RNF216: variants seen among roughly 807,000 people sequenced by gnomAD.
The protein encoded by RNF216 is ring finger protein 216, also known as E3 ubiquitin-protein ligase RNF216.
In RNF216, 72 loss-of-function variants were observed where a neutral mutation model predicts 110.8. That is an observed-to-expected ratio of 0.65 (90% CI 0.54 to 0.79). RNF216 has a LOEUF of 0.79. Ranked by LOEUF, RNF216 falls within the 30% of genes least tolerant of loss-of-function variation. The probability of loss-of-function intolerance (pLI) is 0.00; values close to 1 mark genes in which losing one functional copy is unlikely to be tolerated. For synonymous variants in RNF216, 495 were observed against 407.5 expected (o/e 1.21, Z -2.59); for missense variants, 1,342 against 1,141.2 (o/e 1.18, Z -2.54).
chr7:5,750,842 T>G (rs1443588830), intron 3 of RNF216, among the ~76,000 whole-genome samples: 1 of 152,262 alleles, frequency 6.6e-6, no homozygotes, highest in African/African-American at 2.4e-5. Flanking sequence ...GCAGATAACC[T>G]GCACTCCCCG....
In RNF216 at chr7:5,739,273, T is replaced by C. The variant is rs1794617450; in HGVS notation, c.1121+3A>G. 1.3e-6 allele frequency: 2 copies of C among 1,582,944 alleles called. No individual in the cohort carries two copies. Among genetic ancestry groups the C allele is most frequent in the Non-Finnish European group, 1.7e-6 (2 of 1,169,782 alleles). ...CACAAAAAAAGCATGGTAGTATACT[T>C]ACACATTCAGATCATAATAATTCTT... On this transcript the variant is annotated splice_donor_region_variant and intron_variant, in intron 5 of 16. Transcript: ENST00000389902.
At chr7:5,661,469 A>G (rs1789132462) in intron 13 of RNF216, among the ~76,000 whole-genome samples, 1 of 152,122 alleles carries the variant, frequency 6.6e-6, no homozygotes, top group Non-Finnish European at 1.5e-5. Context: ...CTTCACAGCA[A>G]CTCTACAGGG....
chr7:5,770,708 G>A (rs913939661), intron 1 of RNF216, among the ~76,000 whole-genome samples: 3 of 151,802 alleles, frequency 2.0e-5, no homozygotes, highest in Admixed American at 6.6e-5. Context: ...ATTTACAGTA[G>A]GAGATATTGT....
chr7:5,698,828 T>C (rs966863745), intron 13 of RNF216, among the ~76,000 whole-genome samples: 1 of 152,198 alleles, frequency 6.6e-6, no homozygotes, highest in African/African-American at 2.4e-5. Context: ...GATGAAGAGC[T>C]CTTTAACCTT....
chr7:5,751,881 A>T (rs1007847513), intron 3 of RNF216, among the ~76,000 whole-genome samples: 3 of 151,256 alleles, frequency 2.0e-5, no homozygotes, highest in Non-Finnish European at 2.9e-5. Context: ...GTTTAAAAAA[A>T]ACAGTTTAAA....
chr7:5,741,693 G>A lies in RNF216; in HGVS notation c.324C>T (p.Ser108=). The A allele has an allele frequency of 6.2e-7, 1 of 1,614,134 alleles. No individual in the cohort carries two copies. Among genetic ancestry groups the A allele is most frequent in the African/African-American group, 1.3e-5 (1 of 75,034 alleles). Residue 108 remains serine (S), a synonymous_variant, in exon 4 of 17, where the codon AGC becomes AGT. Coordinates refer to ENST00000389902, the MANE Select transcript of RNF216 (RefSeq NM_207111.4). The stretch of plus-strand genomic sequence containing the variant: ...GGTTGTTACACACTGAAAAATAGCT[G>A]CTCTTATCTGATTCAAATGCTGCTC... ...KSRAAFESDK[S]SYFSVCNNPL...
At chr7:5,713,855 T>C (rs1214030360) in intron 11 of RNF216, among the ~76,000 whole-genome samples, 1 of 152,250 alleles carries the variant, frequency 6.6e-6, no homozygotes, top group Non-Finnish European at 1.5e-5. Flanking sequence ...AAAACAATGC[T>C]ATGATTATTT....
chr7:5,656,379 A>G (rs1402527288), intron 13 of RNF216, among the ~76,000 whole-genome samples: 1 of 152,210 alleles, frequency 6.6e-6, no homozygotes, highest in Non-Finnish European at 1.5e-5. Context: ...AGAAAGCCCC[A>G]AAGGGCCATT....
At chr7:5,648,670 G>C (rs1448007840) in intron 14 of RNF216, among the ~76,000 whole-genome samples, 3 of 151,020 alleles carry the variant, frequency 2.0e-5, no homozygotes, top group Non-Finnish European at 4.4e-5. Context: ...AGAGCTTGCA[G>C]TGAGCCGAGA....
At chr7:5,684,836 G>C (rs1257941977) in intron 13 of RNF216, among the ~76,000 whole-genome samples, 3 of 151,878 alleles carry the variant, frequency 2.0e-5, no homozygotes, top group Admixed American at 1.3e-4. Flanking sequence ...ACATTTTTAA[G>C]GTGATGAAAA....
intron 2 of RNF216, among the ~76,000 whole-genome samples, chr7:5,754,492 T>C (rs556142402): frequency 6.6e-6 from 1 of 151,370 alleles, no homozygotes; most frequent in South Asian, 2.1e-4. Context: ...GGATGAGGAG[T>C]TGCCAAGCTC....
At chr7:5,664,123 A>G (rs550912656) in intron 13 of RNF216, among the ~76,000 whole-genome samples, 1 of 152,286 alleles carries the variant, frequency 6.6e-6, no homozygotes, top group East Asian at 1.9e-4. Flanking sequence ...GGCTGGCAAG[A>G]CAAAGCACAT....
chr7:5,732,278 T>C (rs1390629984), intron 5 of RNF216, among the ~76,000 whole-genome samples: 1 of 152,152 alleles, frequency 6.6e-6, no homozygotes, highest in East Asian at 1.9e-4. Flanking sequence ...ATCGCGTCTG[T>C]AGGGAAAGGC....
Position 5,641,322 on chromosome 7 carries a change from G to T in RNF216, c.2214C>A (p.Gly738=), listed in dbSNP as rs772180514. Residue 738 remains glycine, a synonymous_variant, in exon 15 of 17, where the codon GGC becomes GGA. Transcript: ENST00000389902. ...RIRKCHKCGT[G]LIKSEGCNRM... Reference sequence around the variant, plus strand: ...GGTTGCAGCCTTCAGATTTGATGAGGCCAGTCCCACACTTGTGGCATTTTC... The same window carrying T: ...GGTTGCAGCCTTCAGATTTGATGAGTCCAGTCCCACACTTGTGGCATTTTC... 6.2e-7 allele frequency: 1 copy of T among 1,614,170 alleles called. No individual in the cohort carries two copies. Among genetic ancestry groups the T allele is most frequent in the Non-Finnish European group, 8.5e-7 (1 of 1,180,044 alleles).
At chr7:5,726,899 A>G (rs1226723564) in intron 7 of RNF216, among the ~76,000 whole-genome samples, 3 of 152,022 alleles carry the variant, frequency 2.0e-5, no homozygotes, top group Non-Finnish European at 4.4e-5. Flanking sequence ...GCCATCCTAA[A>G]AACAGGAGGG....
At chr7:5,688,715 T>A (rs550576989) in intron 13 of RNF216, among the ~76,000 whole-genome samples, 1 of 152,262 alleles carries the variant, frequency 6.6e-6, no homozygotes, top group East Asian at 1.9e-4. Context: ...ATACTTATTA[T>A]CAGGCTTGTC....
At chr7:5,708,369 G>A (rs1338216627) in intron 13 of RNF216, among the ~76,000 whole-genome samples, 1 of 152,076 alleles carries the variant, frequency 6.6e-6, no homozygotes, top group Non-Finnish European at 1.5e-5. Flanking sequence ...TTTCCCTTCG[G>A]CTGTCAATAT....
intron 6 of RNF216, 22 bp downstream of exon 6, chr7:5,730,693 A>G (rs1489467960): frequency 1.3e-6 from 2 of 1,597,336 alleles, no homozygotes; most frequent in Non-Finnish European, 1.7e-6. Flanking sequence ...CAGTGACTGC[A>G]AAACATGAAC....
chr7:5,756,742 G>A (rs970938175), intron 2 of RNF216, among the ~76,000 whole-genome samples: 2 of 152,028 alleles, frequency 1.3e-5, no homozygotes, highest in Non-Finnish European at 2.9e-5. Flanking sequence ...CTCCCATCTT[G>A]GTATCCCAAG....
Sources: gnomAD v4.1 joint callset for allele counts (sites outside exome capture counted in the v4.1 genomes callset) on GRCh38, gnomAD v4.1.1 for gene constraint, MANE v1.5 for transcripts, NCBI Gene and HGNC (gene_info 2026-07-23, HGNC 2026-07-21) for gene names.